PHF20L1: variants seen among roughly 807,000 people sequenced by gnomAD.
PHF20L1 encodes PHD finger protein 20-like protein 1.
PHF20L1 carries 44 observed loss-of-function variants against 125.5 expected under a neutral mutation model. The ratio of observed to expected loss-of-function variants is 0.35; its 90% CI spans 0.28 to 0.45. PHF20L1 has a LOEUF of 0.45. Ranked by LOEUF, PHF20L1 falls within the 20% of genes least tolerant of loss-of-function variation. PHF20L1 has a pLI of 1.00. For synonymous variants in PHF20L1, 380 were observed against 403.1 expected (o/e 0.94, Z 0.69); for missense variants, 1,012 against 1,217.2 (o/e 0.83, Z 2.51).
intron 2 of PHF20L1, among the ~76,000 whole-genome samples, chr8:132,785,874 T>A (rs1457472917): frequency 6.6e-6 from 1 of 152,136 alleles, no homozygotes; most frequent in African/African-American, 2.4e-5. Context: ...GCTAGGGTAC[T>A]GAAGTATAAG....
intron 5 of PHF20L1, 102 bp downstream of exon 5, chr8:132,798,962 G>T: frequency 9.6e-7 from 1 of 1,038,142 alleles, no homozygotes; most frequent in Non-Finnish European, 1.4e-6. Flanking sequence ...TGAACTAATT[G>T]TAGGGTTATG....
intron 4 of PHF20L1, among the ~76,000 whole-genome samples, chr8:132,795,348 T>G (rs545294255): frequency 7.2e-5 from 11 of 152,218 alleles, no homozygotes; most frequent in African/African-American, 2.6e-4. Flanking sequence ...TGTGGACATG[T>G]GTTAGAATAT....
chr8:132,777,858 A>T lies in PHF20L1; in HGVS notation c.30A>T (p.Gly10=). 1.2e-6 allele frequency: 2 copies of T among 1,613,422 alleles called. No individual in the cohort carries two copies. The highest frequency in any genetic ancestry group is 1.1e-5 in the South Asian group (1 of 91,066). MSKKPPNRP[G]ITFEIGARLE... is the part of the protein sequence containing the mutation. ...GTAAAAAGCCCCCAAATCGCCCTGGAATCACTTTTGAGATTGGTGCTCGTT... is the reference window on the plus strand; with the variant it reads ...GTAAAAAGCCCCCAAATCGCCCTGGTATCACTTTTGAGATTGGTGCTCGTT... The change falls in exon 2 of 21, where the codon GGA becomes GGT. Residue 10 remains glycine (G), a synonymous_variant. Transcript: ENST00000395386.
chr8:132,838,325 A>C (rs1379779637), intron 17 of PHF20L1: 3 of 162,416 alleles, frequency 1.8e-5, no homozygotes, highest in African/African-American at 7.2e-5. Flanking sequence ...GTAGATCTGC[A>C]TTATGAACTT....
At chr8:132,844,019 T>C (rs1177676585) in intron 19 of PHF20L1, 137 bp from the exon 20 acceptor site, 3 of 1,440,570 alleles carry the variant, frequency 2.1e-6, no homozygotes, top group Non-Finnish European at 1.8e-6. Flanking sequence ...GTAGCAGTAC[T>C]TCTTTAAAGA....
chr8:132,823,955 C>A, intron 12 of PHF20L1, 49 bp from the exon 13 acceptor site: 1 of 1,114,790 alleles, frequency 9.0e-7, no homozygotes, highest in Non-Finnish European at 1.3e-6. Flanking sequence ...TTGTCCCATA[C>A]TTTTAAGTTT....
At chr8:132,802,533 A>C (rs1018784001) in intron 6 of PHF20L1, among the ~76,000 whole-genome samples, 10 of 151,774 alleles carry the variant, frequency 6.6e-5, no homozygotes, top group African/African-American at 2.4e-4. Flanking sequence ...TTACCTGTGA[A>C]TTCCTTATGG....
chr8:132,833,512 T>G (rs1326805002), intron 15 of PHF20L1, among the ~76,000 whole-genome samples: 1 of 152,098 alleles, frequency 6.6e-6, no homozygotes, highest in Admixed American at 6.6e-5. Flanking sequence ...TCTTCTAAAC[T>G]ATACTGATCA....
At chr8:132,805,787 A>T (rs1265347834) in intron 8 of PHF20L1, among the ~76,000 whole-genome samples, 1 of 151,966 alleles carries the variant, frequency 6.6e-6, no homozygotes, top group Non-Finnish European at 1.5e-5. Flanking sequence ...AGTGATTATA[A>T]TTGGTTTTAG....
intron 2 of PHF20L1, among the ~76,000 whole-genome samples, chr8:132,782,315 A>G (rs2131327567): frequency 6.6e-6 from 1 of 152,362 alleles, no homozygotes; most frequent in Non-Finnish European, 1.5e-5. Flanking sequence ...CTTAGCAGTA[A>G]AATGGAAGCA....
In PHF20L1 at chr8:132,817,385, C is replaced by G. The variant is rs773462784; in HGVS notation, c.1419C>G (p.Leu473=). 6.2e-7 allele frequency: 1 copy of G among 1,612,680 alleles called. No individual in the cohort carries two copies. Among genetic ancestry groups the G allele is most frequent in the Non-Finnish European group, 8.5e-7 (1 of 1,179,178 alleles). ...HLPLEKLGPC[L]PLDLSRGSEV... ...CACTTGAGAAGCTGGGACCCTGTCT[C>G]CCTCTTGACTTAAGTCGTGGTTCAG... Residue 473 remains leucine, a synonymous_variant, in exon 12 of 21, where the codon CTC becomes CTG. Transcript: ENST00000395386.
intron 2 of PHF20L1, among the ~76,000 whole-genome samples, chr8:132,779,698 A>G (rs1158536955): frequency 6.6e-6 from 1 of 152,242 alleles, no homozygotes; most frequent in Non-Finnish European, 1.5e-5. Context: ...ATTTTCTTTC[A>G]GTAGTAAAAT....
rs977325687 is a variant in PHF20L1, at chr8:132,812,635, G to A, written c.930+1507G>A. 6.1e-6 allele frequency: 6 copies of A among 984,544 alleles called. No homozygotes were observed. The highest frequency in any genetic ancestry group is 4.7e-5 in the South Asian group (1 of 21,280). The allele number at this position is 984,544 out of a possible 1,614,324, so 61.0% of individuals were successfully genotyped here. A position where few individuals can be genotyped will look rare whatever the true frequency, so the allele number is the denominator to read the frequency against. On this transcript the variant is annotated intron_variant, in intron 9 of 20. Coordinates refer to ENST00000395386, the MANE Select transcript of PHF20L1 (RefSeq NM_016018.5). ...TCCCTCATTTTCTACTTGTCATTCA[G>A]GTTGATTTCAATGTGAAAATGTTTT...
At position 132,797,222 on chromosome 8, in the gene PHF20L1, C is replaced by T. The variant is rs1435202393; in HGVS notation, c.341-1550C>T. ...ATGCCCCAAGTGGTGGATAGGCCTG[C>T]CCGCTCCCCACCTTGACAAAAATCA... On this transcript the variant is annotated intron_variant, in intron 4 of 20. Transcript: ENST00000395386. Among the ~76,000 whole-genome samples the T allele has an allele frequency of 2.6e-5, 4 of 151,992 alleles. No homozygotes were observed. The East Asian group carries it at 7.7e-4, about 29-fold the overall frequency.
intron 16 of PHF20L1, 105 bp downstream of exon 16, chr8:132,836,826 T>C (rs1397245760): frequency 1.2e-5 from 10 of 803,052 alleles, no homozygotes; most frequent in Non-Finnish European, 2.0e-6. Context: ...CTGAAGATAG[T>C]GGTTTCTAAC....
At chr8:132,819,945 A>G (rs1835395914) in intron 12 of PHF20L1, among the ~76,000 whole-genome samples, 1 of 151,948 alleles carries the variant, frequency 6.6e-6, no homozygotes, top group African/African-American at 2.4e-5. Context: ...GGAGCAAGAT[A>G]AATTCACACT....
intron 19 of PHF20L1, chr8:132,843,824 G>A (rs1453716244): frequency 1.0e-6 from 1 of 985,030 alleles, no homozygotes; most frequent in Non-Finnish European, 1.2e-6. Context: ...CACCAGCTGA[G>A]ATTAATTGAG....
chr8:132,819,659 A>AG (rs1835365995), intron 12 of PHF20L1, among the ~76,000 whole-genome samples: 1 of 151,596 alleles, frequency 6.6e-6, no homozygotes. Flanking sequence ...CTAGAGCCAA[A>AG]GTGCCAGGTT....
At chr8:132,843,057 G>A in intron 19 of PHF20L1, 182 bp downstream of exon 19, 1 of 1,327,000 alleles carries the variant, frequency 7.5e-7, no homozygotes. Context: ...TTGAACATTT[G>A]ATTATCTCCT....
Sources: gnomAD v4.1 joint callset for allele counts (sites outside exome capture counted in the v4.1 genomes callset) on GRCh38, gnomAD v4.1.1 for gene constraint, MANE v1.5 for transcripts, NCBI Gene and HGNC (gene_info 2026-07-23, HGNC 2026-07-21) for gene names.